The following RBFOX2 variants were observed in gnomAD, a reference collection of about 807,000 sequenced individuals.
RBFOX2 encodes the protein RNA binding protein fox-1 homolog 2.
RBFOX2 carries 10 observed loss-of-function variants against 49.1 expected under a neutral mutation model. The ratio of observed to expected loss-of-function variants is 0.20; its 90% CI spans 0.13 to 0.35. The LOEUF is 0.35. RBFOX2 is among the 10% of genes least tolerant of loss of function. The pLI is 1.00. For synonymous variants in RBFOX2, 183 were observed against 187.4 expected (o/e 0.98, Z 0.19); for missense variants, 323 against 486.9 (o/e 0.66, Z 3.17).
chr22:35,960,663 T>C (rs936681821), intron 1 of RBFOX2, among the ~76,000 whole-genome samples: 5 of 152,208 alleles, frequency 3.3e-5, no homozygotes, highest in African/African-American at 9.7e-5. Flanking sequence ...TGACTTTAAG[T>C]ATCTTCAAAT....
chr22:35,918,510 C>G (rs1376827774), intron 1 of RBFOX2, among the ~76,000 whole-genome samples: 3 of 152,132 alleles, frequency 2.0e-5, no homozygotes, highest in Non-Finnish European at 4.4e-5. Context: ...AGATCAGGAC[C>G]TCATAAATGG....
chr22:35,958,737 A>AT (rs1168313226), intron 1 of RBFOX2, among the ~76,000 whole-genome samples: 2 of 152,094 alleles, frequency 1.3e-5, no homozygotes, highest in Middle Eastern at 3.4e-3. Flanking sequence ...CCTACCGAGG[A>AT]TTTTTTTTCT....
chr22:35,961,606 ACTCT>A, exon 1 of RBFOX2: 1 of 1,302,988 alleles, frequency 7.7e-7, no homozygotes, highest in Non-Finnish European at 1.0e-6. Context: ...TGATGACATC[ACTCT>A]CTCTTCCTTC....
chr22:35,944,503 A>T (rs1016958817), intron 1 of RBFOX2, among the ~76,000 whole-genome samples: 1 of 152,220 alleles, frequency 6.6e-6, no homozygotes, highest in African/African-American at 2.4e-5. Flanking sequence ...GTAGCATTTT[A>T]AAAATACAGT....
intron 1 of RBFOX2, among the ~76,000 whole-genome samples, chr22:35,847,219 C>A (rs1042210375): frequency 6.6e-6 from 1 of 152,120 alleles, no homozygotes; most frequent in Non-Finnish European, 1.5e-5. Flanking sequence ...ATAAAATAAT[C>A]ATTTTCAATG....
At chr22:36,018,599 G>A (rs1482423807) in intron 1 of RBFOX2, among the ~76,000 whole-genome samples, 1 of 152,040 alleles carries the variant, frequency 6.6e-6, no homozygotes, top group Non-Finnish European at 1.5e-5. Context: ...TTTTAAGCGT[G>A]GAGTAACAAA....
intron 4 of RBFOX2, among the ~76,000 whole-genome samples, chr22:35,771,869 C>T (rs1178670891): frequency 6.6e-6 from 1 of 152,100 alleles, no homozygotes; most frequent in African/African-American, 2.4e-5. Flanking sequence ...TAAAAGTTAT[C>T]AGTAGAAAAG....
At chr22:35,840,631 C>CGTGTGTGTGTGTGTGTGTGTGT, upstream of RBFOX2, 3 of 1,006,690 alleles carry the variant, frequency 3.0e-6, no homozygotes, top group South Asian at 1.1e-4. Context: ...TGCGTGTGTG[C>CGTGTGTGTGTGTGTGTGTGTGT]GTGTGTGTGT....
intron 1 of RBFOX2, among the ~76,000 whole-genome samples, chr22:36,013,839 G>T (rs970054132): frequency 6.6e-6 from 1 of 152,100 alleles, no homozygotes; most frequent in Non-Finnish European, 1.5e-5. Flanking sequence ...TACTTGTTTG[G>T]TAAAGGGGAT....
At chr22:35,779,992 T>G (rs1013149355) in intron 3 of RBFOX2, among the ~76,000 whole-genome samples, 1 of 152,154 alleles carries the variant, frequency 6.6e-6, no homozygotes, top group African/African-American at 2.4e-5. Flanking sequence ...GAGACTAAGA[T>G]TTTATATAAG....
chr22:35,957,394 G>A (rs765205151), intron 1 of RBFOX2, among the ~76,000 whole-genome samples: 1 of 152,046 alleles, frequency 6.6e-6, no homozygotes, highest in Non-Finnish European at 1.5e-5. Context: ...GATTATGAGG[G>A]GACCCATAGG....
At chr22:35,812,933 G>C (rs539701019) in intron 1 of RBFOX2, among the ~76,000 whole-genome samples, 70 of 152,354 alleles carry the variant, frequency 4.6e-4, no homozygotes, top group Middle Eastern at 3.4e-3. Flanking sequence ...TCAATTAGCA[G>C]TGGGAGATGG....
intron 1 of RBFOX2, among the ~76,000 whole-genome samples, chr22:36,014,444 A>G (rs1214004057): frequency 6.6e-6 from 1 of 152,174 alleles, no homozygotes; most frequent in Non-Finnish European, 1.5e-5. Flanking sequence ...AATCAATACA[A>G]TACAGCTTGG....
intron 1 of RBFOX2, among the ~76,000 whole-genome samples, chr22:35,878,526 T>C (rs2045454833): frequency 6.6e-6 from 1 of 152,102 alleles, no homozygotes; most frequent in Admixed American, 6.5e-5. Context: ...TGTCTCAACC[T>C]CCAAGTAGCC....
intron 2 of RBFOX2, among the ~76,000 whole-genome samples, chr22:35,794,221 A>C (rs930887356): frequency 1.3e-5 from 2 of 151,224 alleles, no homozygotes; most frequent in African/African-American, 4.9e-5. Flanking sequence ...TTTTTTTTTT[A>C]AATCACCATT....
At chr22:35,826,562 C>A (rs776703168) in intron 1 of RBFOX2, among the ~76,000 whole-genome samples, 2 of 151,900 alleles carry the variant, frequency 1.3e-5, no homozygotes, top group African/African-American at 4.8e-5. Flanking sequence ...AAGAGATAGG[C>A]TAAGTAAAAG....
chr22:35,892,156 T>C (rs535722697), intron 1 of RBFOX2, among the ~76,000 whole-genome samples: 12 of 152,358 alleles, frequency 7.9e-5, no homozygotes, highest in African/African-American at 1.9e-4. Flanking sequence ...AGTATATTCA[T>C]AGATTATCTC....
At chr22:35,781,053 T>C (rs775447823) in intron 3 of RBFOX2, among the ~76,000 whole-genome samples, 17 of 152,162 alleles carry the variant, frequency 1.1e-4, no homozygotes, top group Non-Finnish European at 1.8e-4. Context: ...GAATAAGCAA[T>C]GGTTCCCAAA....
At chr22:35,871,617 G>T (rs1331711728) in intron 1 of RBFOX2, among the ~76,000 whole-genome samples, 2 of 152,164 alleles carry the variant, frequency 1.3e-5, no homozygotes, top group Non-Finnish European at 2.9e-5. Flanking sequence ...AGATGACAAG[G>T]CATGGTCTCA....
Sources: gnomAD v4.1 joint callset for allele counts (sites outside exome capture counted in the v4.1 genomes callset) on GRCh38, gnomAD v4.1.1 for gene constraint, MANE v1.5 for transcripts, NCBI Gene and HGNC (gene_info 2026-07-23, HGNC 2026-07-21) for gene names.